Variants in C1orf21 observed in about 807,000 individuals in gnomAD.
The protein encoded by C1orf21 is uncharacterized protein C1orf21.
Under a neutral mutation model 18.7 loss-of-function variants are expected in C1orf21, and 3 were observed. The observed-to-expected ratio is 0.16, with a 90% CI of 0.07 to 0.42. The LOEUF is 0.42. Among genes scored for constraint, C1orf21 ranks in the 10% least tolerant of loss-of-function variants. The pLI, the probability that C1orf21 is intolerant of heterozygous loss-of-function variation, is 0.99. For synonymous variants in C1orf21, 41 were observed against 46.4 expected (o/e 0.88, Z 0.47); for missense variants, 104 against 143.6 (o/e 0.72, Z 1.41).
intron 1 of C1orf21, among the ~76,000 whole-genome samples, chr1:184,465,953 G>A (rs1343002520): frequency 1.3e-5 from 2 of 152,146 alleles, no homozygotes; most frequent in Non-Finnish European, 2.9e-5. Context: ...CCGTCTCCTG[G>A]TGGTCAGCCT....
chr1:184,549,682 A>G (rs1227913357), intron 3 of C1orf21, among the ~76,000 whole-genome samples: 1 of 151,656 alleles, frequency 6.6e-6, no homozygotes, highest in Admixed American at 6.6e-5. Flanking sequence ...GAAGGAAGGG[A>G]CTGCCAACCA....
At chr1:184,542,293 T>G (rs1387374654) in intron 3 of C1orf21, among the ~76,000 whole-genome samples, 1 of 152,162 alleles carries the variant, frequency 6.6e-6, no homozygotes, top group Non-Finnish European at 1.5e-5. Flanking sequence ...TTTACATGTC[T>G]TAGGAAAAGG....
chr1:184,470,339 T>G (rs1657475885), intron 1 of C1orf21, among the ~76,000 whole-genome samples: 1 of 151,956 alleles, frequency 6.6e-6, no homozygotes, highest in Non-Finnish European at 1.5e-5. Context: ...AAGCATTTTC[T>G]TATCTACTTA....
intron 3 of C1orf21, among the ~76,000 whole-genome samples, chr1:184,535,074 T>A (rs1407354193): frequency 6.7e-6 from 1 of 150,254 alleles, no homozygotes; most frequent in Non-Finnish European, 1.5e-5. Flanking sequence ...TTAAAACAGG[T>A]GTGTGACATC....
chr1:184,546,368 G>A (rs1658727283), intron 3 of C1orf21, among the ~76,000 whole-genome samples: 1 of 152,200 alleles, frequency 6.6e-6, no homozygotes, highest in South Asian at 2.1e-4. Context: ...CCAGGAGGCA[G>A]AGGCTGCAGT....
intron 3 of C1orf21, among the ~76,000 whole-genome samples, chr1:184,571,205 G>A (rs1296503265): frequency 2.0e-5 from 3 of 149,046 alleles, no homozygotes; most frequent in Admixed American, 6.7e-5. Flanking sequence ...GCTGAGGCAG[G>A]AGAATGGCGT....
Position 184,513,542 on chromosome 1 carries a change from AAT to A in C1orf21, c.189+5861_189+5862del, listed in dbSNP as rs762572441. On this transcript the variant is annotated intron_variant, in intron 3 of 5. Transcript: ENST00000235307. The stretch of plus-strand genomic sequence containing the variant: ...GGATACCCTCTTAACCAGCTCTGCA[AAT>A]CTCTCTCTGAAAGATACTGGCTGCA... Among the ~76,000 whole-genome samples the A allele has an allele frequency of 6.4e-4, 98 of 152,324 alleles. 1 individual carries two copies. The highest frequency in any genetic ancestry group is 1.3e-3 in the Admixed American group (20 of 15,302).
intron 1 of C1orf21, among the ~76,000 whole-genome samples, chr1:184,464,429 T>C (rs182783362): frequency 1.3e-5 from 2 of 152,298 alleles, no homozygotes; most frequent in East Asian, 3.9e-4. Context: ...AGGAGAGCCT[T>C]CTAGGCAGGG....
intron 1 of C1orf21, among the ~76,000 whole-genome samples, chr1:184,390,450 G>C (rs1278926099): frequency 6.6e-6 from 1 of 152,194 alleles, no homozygotes; most frequent in Non-Finnish European, 1.5e-5. Flanking sequence ...AAAATAATTT[G>C]TATGTGAAAG....
At chr1:184,611,608 G>A (rs892023598) in intron 5 of C1orf21, among the ~76,000 whole-genome samples, 11 of 152,226 alleles carry the variant, frequency 7.2e-5, no homozygotes, top group South Asian at 2.1e-4. Flanking sequence ...ATCTGAGGTT[G>A]CCTCTGGATG....
intron 3 of C1orf21, among the ~76,000 whole-genome samples, chr1:184,533,290 C>T (rs1367250161): frequency 6.6e-6 from 1 of 152,152 alleles, no homozygotes; most frequent in Non-Finnish European, 1.5e-5. Context: ...GAACCCTATA[C>T]TTCCCCTTTG....
At chr1:184,422,302 G>C (rs1055136978) in intron 1 of C1orf21, among the ~76,000 whole-genome samples, 1 of 152,218 alleles carries the variant, frequency 6.6e-6, no homozygotes, top group African/African-American at 2.4e-5. Flanking sequence ...AATGCTTGCA[G>C]ATTTTGGAAT....
intron 3 of C1orf21, among the ~76,000 whole-genome samples, chr1:184,510,174 T>A (rs1391369958): frequency 2.0e-5 from 3 of 152,238 alleles, no homozygotes; most frequent in Non-Finnish European, 1.5e-5. Context: ...ATTATGTATT[T>A]ATTTATACCT....
In C1orf21 at chr1:184,406,807, T is replaced by C. The variant is rs149576679; in HGVS notation, c.-125+19439T>C. On this transcript the variant is annotated intron_variant, in intron 1 of 5. Coordinates refer to ENST00000235307, the MANE Select transcript of C1orf21 (RefSeq NM_030806.4). ...CCTCCTACTCTGATTTTTCTTTTTA[T>C]TTTTTGAGACAGGGTCTTGCCCTGT... Among the ~76,000 whole-genome samples the C allele has an allele frequency of 1.2e-4, 19 of 152,296 alleles. No homozygotes were observed. In the East Asian group the frequency reaches 3.1e-3, roughly 25 times the overall value.
At chr1:184,484,884 C>CTGTGTG (rs3034460) in intron 2 of C1orf21, among the ~76,000 whole-genome samples, 3,099 of 146,058 alleles carry the variant, frequency 0.021, 88 homozygotes, top group African/African-American at 0.064. Flanking sequence ...ATGCTTGTGG[C>CTGTGTG]TGTGTGTGTG....
chr1:184,578,433 G>A (rs1190945435), intron 3 of C1orf21, among the ~76,000 whole-genome samples: 2 of 152,134 alleles, frequency 1.3e-5, no homozygotes, highest in African/African-American at 4.8e-5. Context: ...AACAAGGTAG[G>A]GTTGTATGTA....
intron 1 of C1orf21, among the ~76,000 whole-genome samples, chr1:184,427,563 T>C (rs1656661920): frequency 6.6e-6 from 1 of 152,150 alleles, no homozygotes; most frequent in South Asian, 2.1e-4. Context: ...TGGGTGATCT[T>C]GGGCAGGTTA....
At chr1:184,576,982 C>T (rs1199102656) in intron 3 of C1orf21, among the ~76,000 whole-genome samples, 5 of 152,078 alleles carry the variant, frequency 3.3e-5, no homozygotes, top group Non-Finnish European at 4.4e-5. Context: ...TTTTGGGGAC[C>T]TTGGGATGGA....
chr1:184,441,086 CT>C (rs937143847), intron 1 of C1orf21, among the ~76,000 whole-genome samples: 7 of 152,200 alleles, frequency 4.6e-5, no homozygotes, highest in African/African-American at 1.7e-4. Flanking sequence ...AATTCTAAGT[CT>C]TCTGTTAGCA....
Sources: gnomAD v4.1 joint callset for allele counts (sites outside exome capture counted in the v4.1 genomes callset) on GRCh38, gnomAD v4.1.1 for gene constraint, MANE v1.5 for transcripts, NCBI Gene and HGNC (gene_info 2026-07-23, HGNC 2026-07-21) for gene names.